DOCK9: variants seen among roughly 807,000 people sequenced by gnomAD.
DOCK9 encodes the protein dedicator of cytokinesis 9, also known as dedicator of cytokinesis protein 9.
In DOCK9, 89 loss-of-function variants were observed where a neutral mutation model predicts 263.3. The observed-to-expected ratio is 0.34, with a 90% CI of 0.28 to 0.40. The LOEUF (loss-of-function observed/expected upper bound fraction) is 0.40. DOCK9 is among the 10% of genes least tolerant of loss of function. DOCK9 has a pLI of 1.00. For synonymous variants in DOCK9, 976 were observed against 973.1 expected (o/e 1.00, Z -0.06); for missense variants, 2,140 against 2,603.4 (o/e 0.82, Z 3.87).
intron 2 of DOCK9, among the ~76,000 whole-genome samples, chr13:98,935,025 G>C (rs138886657): frequency 6.6e-6 from 1 of 152,150 alleles, no homozygotes; most frequent in Non-Finnish European, 1.5e-5. Flanking sequence ...GTACAGAAGA[G>C]TATAGAGAAA....
At chr13:98,887,772 T>C (rs377732596) in intron 18 of DOCK9, among the ~76,000 whole-genome samples, 2 of 152,092 alleles carry the variant, frequency 1.3e-5, no homozygotes, top group Non-Finnish European at 2.9e-5. Context: ...ATTATTACTA[T>C]ACTGTAGTAA....
intron 1 of DOCK9, among the ~76,000 whole-genome samples, chr13:98,996,064 T>C (rs909515309): frequency 8.5e-5 from 13 of 152,128 alleles, no homozygotes; most frequent in Middle Eastern, 3.2e-3. Context: ...CTGAGCTAAA[T>C]GGAAAGCCAC....
chr13:99,030,885 CTT>C (rs1887265442), intron 1 of DOCK9, among the ~76,000 whole-genome samples: 1 of 152,158 alleles, frequency 6.6e-6, no homozygotes, highest in African/African-American at 2.4e-5. Context: ...CATGCAAATT[CTT>C]TCTTTTTAAT....
At chr13:99,003,598 C>T (rs957925748) in intron 1 of DOCK9, among the ~76,000 whole-genome samples, 6 of 152,208 alleles carry the variant, frequency 3.9e-5, no homozygotes, top group Admixed American at 3.9e-4. Context: ...CTTCAGTGCT[C>T]CCACCTCAGC....
chr13:98,810,728 G>A (rs1445650197), intron 45 of DOCK9, among the ~76,000 whole-genome samples: 1 of 152,168 alleles, frequency 6.6e-6, no homozygotes, highest in Non-Finnish European at 1.5e-5. Context: ...ATTTAGTGAT[G>A]GAGTGTGGGG....
intron 7 of DOCK9, among the ~76,000 whole-genome samples, chr13:98,918,893 G>C (rs1220743202): frequency 6.6e-6 from 1 of 152,122 alleles, no homozygotes; most frequent in Admixed American, 6.5e-5. Flanking sequence ...GTGTGGGGCA[G>C]GAAAGCAATT....
intron 1 of DOCK9, among the ~76,000 whole-genome samples, chr13:98,985,802 G>A (rs1259019415): frequency 1.9e-5 from 2 of 104,828 alleles, no homozygotes; most frequent in East Asian, 3.5e-4. Flanking sequence ...AGCTTTGAGC[G>A]CTGGTGAGGA....
At chr13:98,997,452 AAAG>A (rs1467094702) in intron 1 of DOCK9, among the ~76,000 whole-genome samples, 5 of 152,248 alleles carry the variant, frequency 3.3e-5, no homozygotes, top group African/African-American at 9.6e-5. Context: ...AAACATCTGT[AAAG>A]AAGACCTCTC....
At chr13:98,911,348 G>T (rs555618256) in intron 9 of DOCK9, among the ~76,000 whole-genome samples, 4 of 152,142 alleles carry the variant, frequency 2.6e-5, no homozygotes, top group Non-Finnish European at 5.9e-5. Context: ...AATGTTTGAG[G>T]TGATGGCTAT....
chr13:99,048,478 T>C (rs1447060217), intron 1 of DOCK9, among the ~76,000 whole-genome samples: 2 of 152,186 alleles, frequency 1.3e-5, no homozygotes, highest in African/African-American at 4.8e-5. Context: ...TAACTAAAAA[T>C]ACAATAATAG....
At chr13:99,019,368 T>C (rs1158463032) in intron 1 of DOCK9, among the ~76,000 whole-genome samples, 1 of 152,242 alleles carries the variant, frequency 6.6e-6, no homozygotes, top group African/African-American at 2.4e-5. Context: ...GACTACTGAA[T>C]TGAATACATT....
chr13:98,860,133 G>T, intron 33 of DOCK9: 65 of 1,226,980 alleles, frequency 5.3e-5, no homozygotes, highest in East Asian at 3.5e-4. Context: ...GATTTAAAAT[G>T]AAAACTCAAC....
intron 49 of DOCK9, among the ~76,000 whole-genome samples, chr13:98,801,520 TG>T (rs1191484402): frequency 2.0e-5 from 3 of 152,178 alleles, no homozygotes; most frequent in African/African-American, 7.2e-5. Context: ...TTTATCATAA[TG>T]AGATACCTAA....
intron 1 of DOCK9, among the ~76,000 whole-genome samples, chr13:98,993,247 A>G (rs1040665403): frequency 1.3e-5 from 2 of 152,244 alleles, no homozygotes; most frequent in African/African-American, 4.8e-5. Context: ...TGACAGGGGC[A>G]TAATATGGTA....
chr13:98,911,701 C>T (rs1287101234), intron 9 of DOCK9, among the ~76,000 whole-genome samples: 1 of 151,400 alleles, frequency 6.6e-6, no homozygotes, highest in Non-Finnish European at 1.5e-5. Context: ...TCAAGACCAG[C>T]CTCGCCAACA....
intron 1 of DOCK9, among the ~76,000 whole-genome samples, chr13:98,956,639 CG>C (rs1490056942): frequency 1.3e-5 from 2 of 151,900 alleles, no homozygotes; most frequent in Non-Finnish European, 2.9e-5. Flanking sequence ...CCCAGCTACT[CG>C]GGAGGCCGAG....
intron 20 of DOCK9, chr13:98,885,461 C>T: frequency 1.8e-6 from 1 of 545,664 alleles, no homozygotes; most frequent in Non-Finnish European, 3.3e-6. Flanking sequence ...AAAAATTAGC[C>T]AGTGGGTGTG....
chr13:98,987,894 T>C (rs986094909), intron 1 of DOCK9, among the ~76,000 whole-genome samples: 7 of 152,194 alleles, frequency 4.6e-5, no homozygotes, highest in East Asian at 1.9e-4. Context: ...ACAAAAAATA[T>C]TGGAGAGTTG....
At chr13:98,809,574 T>TAC (rs1208811509) in intron 46 of DOCK9, 109 bp from the exon 47 acceptor site, 32 of 845,464 alleles carry the variant, frequency 3.8e-5, no homozygotes, top group African/African-American at 1.2e-4. Flanking sequence ...TGAATAAAAA[T>TAC]ACACACACAC....
Sources: allele counts gnomAD v4.1 joint callset (sites outside exome capture counted in the v4.1 genomes callset), GRCh38; gene constraint gnomAD v4.1.1; transcripts MANE v1.5; gene names NCBI Gene and HGNC (gene_info 2026-07-23, HGNC 2026-07-21).